CFAP52: variants seen among roughly 807,000 people sequenced by gnomAD.
CFAP52 encodes the protein cilia and flagella associated protein 52.
Under a neutral mutation model 70.5 loss-of-function variants are expected in CFAP52, and 57 were observed. The observed-to-expected ratio is 0.81, with a 90% CI of 0.65 to 1.01. CFAP52 has a LOEUF of 1.01. CFAP52 is among the 50% of genes least tolerant of loss of function. The probability of loss-of-function intolerance (pLI) is 0.00; values close to 1 mark genes in which losing one functional copy is unlikely to be tolerated. For synonymous variants in CFAP52, 267 were observed against 292.5 expected (o/e 0.91, Z 0.89); for missense variants, 785 against 788.5 (o/e 1.00, Z 0.05).
chr17:9,630,985 C>CAAAAAA (rs1238713027), intron 9 of CFAP52, among the ~76,000 whole-genome samples: 11 of 92,710 alleles, frequency 1.2e-4, no homozygotes, highest in African/African-American at 4.1e-4. Flanking sequence ...GACTCCATCT[C>CAAAAAA]AAAAAAAAGA....
intron 3 of CFAP52, 89 bp downstream of exon 3, chr17:9,586,923 G>A: frequency 1.4e-6 from 2 of 1,396,138 alleles, no homozygotes; most frequent in East Asian, 5.2e-5. Context: ...TTGTTATATA[G>A]GTAAACTTAT....
At chr17:9,592,062 A>C (rs777540698) in intron 3 of CFAP52, among the ~76,000 whole-genome samples, 3 of 152,092 alleles carry the variant, frequency 2.0e-5, no homozygotes, top group Non-Finnish European at 4.4e-5. Flanking sequence ...TTCACATATC[A>C]TAAAATTGAC....
intron 8 of CFAP52, among the ~76,000 whole-genome samples, chr17:9,622,940 A>T (rs939456282): frequency 2.6e-5 from 4 of 151,792 alleles, no homozygotes; most frequent in African/African-American, 9.7e-5. Flanking sequence ...TACTTTGGAG[A>T]TCTTTTTTCT....
chr17:9,576,728 G>A lies in CFAP52; in HGVS notation c.33G>A (p.Val11=). 2 of 1,612,604 alleles carry A rather than the reference G, an allele frequency of 1.2e-6. No homozygotes were observed. The highest frequency in any genetic ancestry group is 1.7e-6 in the Non-Finnish European group (2 of 1,179,306). The change falls in exon 1 of 14, where the codon GTG becomes GTA. Residue 11 remains valine (V), a synonymous_variant. Transcript: ENST00000352665. ...ACAAAATTTCGCCGGAGGCCCAAGT[G>A]GCGGAGCTGGAACTTGACGCCGTGA... MDNKISPEAQ[V]AELELDAVIG...
At chr17:9,632,514 A>T (rs1910595499) in intron 9 of CFAP52, among the ~76,000 whole-genome samples, 1 of 152,210 alleles carries the variant, frequency 6.6e-6, no homozygotes. Context: ...CTGTTATCAC[A>T]ATCCAGGAGA....
At chr17:9,586,669 A>G (rs776094587) in intron 2 of CFAP52, 29 bp from the exon 3 acceptor site, 7 of 1,586,302 alleles carry the variant, frequency 4.4e-6, no homozygotes, top group South Asian at 3.5e-5. Context: ...ATGCCTCCCT[A>G]TGATCTGACG....
intron 7 of CFAP52, among the ~76,000 whole-genome samples, chr17:9,610,976 G>C (rs1195741214): frequency 6.6e-6 from 1 of 152,236 alleles, no homozygotes; most frequent in Admixed American, 6.5e-5. Flanking sequence ...CACTTGTAAA[G>C]GAGGAATTAT....
intron 3 of CFAP52, among the ~76,000 whole-genome samples, chr17:9,592,354 A>G (rs933951849): frequency 2.6e-5 from 4 of 152,140 alleles, no homozygotes; most frequent in Non-Finnish European, 5.9e-5. Context: ...CTGTAACCCC[A>G]GCTACTAGGG....
chr17:9,611,241 T>C (rs1909701299), intron 7 of CFAP52, among the ~76,000 whole-genome samples: 1 of 88,786 alleles, frequency 1.1e-5, no homozygotes, highest in Admixed American at 1.4e-4. Flanking sequence ...CATTCATGTA[T>C]ATACTTTTTT....
chr17:9,614,765 T>C (rs1487510985), intron 8 of CFAP52, among the ~76,000 whole-genome samples: 2 of 152,246 alleles, frequency 1.3e-5, no homozygotes, highest in African/African-American at 4.8e-5. Flanking sequence ...TCCTGGGCTC[T>C]ACCCATCAGA....
chr17:9,631,046 G>A (rs1191970596), intron 9 of CFAP52, among the ~76,000 whole-genome samples: 1 of 97,254 alleles, frequency 1.0e-5, no homozygotes, highest in Non-Finnish European at 2.0e-5. Context: ...GAGAGAGAGA[G>A]AGAGAGAGAA....
chr17:9,612,085 C>A (rs1909735135), intron 7 of CFAP52, among the ~76,000 whole-genome samples: 1 of 152,216 alleles, frequency 6.6e-6, no homozygotes, highest in Admixed American at 6.5e-5. Context: ...AACGTTATCT[C>A]ACTGAAGAAG....
chr17:9,585,501 T>C (rs985191832), intron 1 of CFAP52, among the ~76,000 whole-genome samples: 2 of 152,184 alleles, frequency 1.3e-5, no homozygotes, highest in Admixed American at 1.3e-4. Context: ...ACCCCGTCTC[T>C]ACTAAAAATA....
chr17:9,642,293 C>A (rs984875387), intron 13 of CFAP52, among the ~76,000 whole-genome samples: 1 of 152,176 alleles, frequency 6.6e-6, no homozygotes, highest in African/African-American at 2.4e-5. Flanking sequence ...ACATCATTAT[C>A]ATTTCCTGCC....
chr17:9,596,265 A>G (rs1306057066), intron 4 of CFAP52, among the ~76,000 whole-genome samples: 5 of 150,880 alleles, frequency 3.3e-5, no homozygotes, highest in Non-Finnish European at 7.4e-5. Flanking sequence ...ACGCCCGGCT[A>G]ATTTTTTTGT....
intron 2 of CFAP52, among the ~76,000 whole-genome samples, chr17:9,586,334 C>T (rs1203853430): frequency 1.3e-5 from 2 of 152,108 alleles, no homozygotes; most frequent in African/African-American, 4.8e-5. Context: ...GAGGCCTAGA[C>T]GGTCGGATCC....
In CFAP52 at chr17:9,633,650, G is replaced by T. The variant is rs116050907; in HGVS notation, c.1320+617G>T. ...TGCTTGCTCTTTTCCTCCGAGGATC[G>T]TGGTTGTACGAATTGTCATCTTATC... is the stretch of plus-strand genomic sequence containing the variant. On this transcript the variant is annotated intron_variant, in intron 10 of 13. Coordinates refer to ENST00000352665, the MANE Select transcript of CFAP52 (RefSeq NM_145054.5). Among the ~76,000 whole-genome samples the T allele has an allele frequency of 6.7e-3, 1,020 of 151,494 alleles. 9 individuals are homozygous for T. The highest frequency in any genetic ancestry group is 0.023 in the African/African-American group (966 of 41,134).
intron 10 of CFAP52, among the ~76,000 whole-genome samples, chr17:9,634,983 G>T (rs1910709335): frequency 6.6e-6 from 1 of 152,146 alleles, no homozygotes; most frequent in East Asian, 1.9e-4. Flanking sequence ...GATCAAAATT[G>T]AACAGCTGAT....
At chr17:9,601,868 C>T (rs1909285307) in intron 6 of CFAP52, among the ~76,000 whole-genome samples, 1 of 152,188 alleles carries the variant, frequency 6.6e-6, no homozygotes, top group South Asian at 2.1e-4. Context: ...GATAACAGAA[C>T]AGATGGTTCT....
Sources: allele counts gnomAD v4.1 joint callset (sites outside exome capture counted in the v4.1 genomes callset), GRCh38; gene constraint gnomAD v4.1.1; transcripts MANE v1.5; gene names NCBI Gene and HGNC (gene_info 2026-07-23, HGNC 2026-07-21).